ABCG1: variants seen among roughly 807,000 people sequenced by gnomAD.
The protein encoded by ABCG1 is ATP binding cassette subfamily G member 1.
ABCG1 carries 29 observed loss-of-function variants against 69.2 expected under a neutral mutation model. The ratio of observed to expected loss-of-function variants is 0.42; its 90% CI spans 0.31 to 0.57. ABCG1 has a LOEUF of 0.57. ABCG1 is among the 20% of genes least tolerant of loss of function. ABCG1 has a pLI of 0.15. For missense variants in ABCG1, 718 were observed against 898.1 expected (o/e 0.80, Z 2.56); for synonymous variants, 370 against 374.8 (o/e 0.99, Z 0.15).
chr21:42,292,107 G>T (rs918318943), intron 13 of ABCG1, among the ~76,000 whole-genome samples: 1 of 151,620 alleles, frequency 6.6e-6, no homozygotes, highest in East Asian at 1.9e-4. Context: ...TCCTCCCATC[G>T]CCCACCCTGC....
intron 2 of ABCG1, among the ~76,000 whole-genome samples, chr21:42,228,486 C>A (rs997274786): frequency 4.6e-5 from 7 of 152,172 alleles, no homozygotes; most frequent in African/African-American, 1.7e-4. Flanking sequence ...GCCTACAATT[C>A]AGAGTCTAGA....
At chr21:42,263,043 C>T (rs1293881853) in intron 2 of ABCG1, among the ~76,000 whole-genome samples, 2 of 152,238 alleles carry the variant, frequency 1.3e-5, no homozygotes, top group African/African-American at 4.8e-5. Context: ...TGTCCCCCGA[C>T]TCTTCCTAGG....
At chr21:42,206,487 A>T (rs1265613652) in intron 2 of ABCG1, among the ~76,000 whole-genome samples, 1 of 152,222 alleles carries the variant, frequency 6.6e-6, no homozygotes, top group Non-Finnish European at 1.5e-5. Flanking sequence ...TATCTGTTTT[A>T]TGGATACTTG....
intron 13 of ABCG1, among the ~76,000 whole-genome samples, chr21:42,293,035 CTACACACCA>C (rs2069105171): frequency 7.1e-6 from 1 of 140,656 alleles, no homozygotes; most frequent in African/African-American, 2.6e-5. Context: ...ACACTACACA[CTACACACCA>C]CACACACTAC....
chr21:42,246,293 G>A (rs909149825), intron 2 of ABCG1, among the ~76,000 whole-genome samples: 1 of 152,220 alleles, frequency 6.6e-6, no homozygotes, highest in Non-Finnish European at 1.5e-5. Flanking sequence ...ACTGGATATA[G>A]GATAGCTTTG....
intron 4 of ABCG1, among the ~76,000 whole-genome samples, chr21:42,275,039 T>C (rs2068685980): frequency 6.6e-6 from 1 of 152,140 alleles, no homozygotes; most frequent in Non-Finnish European, 1.5e-5. Flanking sequence ...CTCTGTGCTT[T>C]GGTCAGTAGA....
intron 13 of ABCG1, among the ~76,000 whole-genome samples, chr21:42,293,787 C>CACACACT (rs1569243436): frequency 1.3e-5 from 2 of 151,260 alleles, no homozygotes; most frequent in African/African-American, 4.9e-5. Context: ...TACACACAAA[C>CACACACT]ACACACTACA....
intron 1 of ABCG1, among the ~76,000 whole-genome samples, chr21:42,220,276 C>T (rs1440452953): frequency 1.3e-5 from 2 of 152,236 alleles, no homozygotes; most frequent in African/African-American, 4.8e-5. Flanking sequence ...ATATTACTTC[C>T]CCGAGGCTGT....
At chr21:42,294,496 AGG>A in intron 13 of ABCG1, 44 bp from the exon 14 acceptor site, 2 of 1,509,160 alleles carry the variant, frequency 1.3e-6, no homozygotes, top group Non-Finnish European at 1.8e-6. Flanking sequence ...GCAGGAGGCC[AGG>A]CTGCAGGTTC....
chr21:42,246,251 A>G (rs1020093041), intron 2 of ABCG1, among the ~76,000 whole-genome samples: 2 of 152,276 alleles, frequency 1.3e-5, no homozygotes, highest in African/African-American at 4.8e-5. Flanking sequence ...CTGTAGATAT[A>G]AAGCCATTTC....
chr21:42,283,330 C>T (rs988767075), intron 6 of ABCG1, among the ~76,000 whole-genome samples: 4 of 152,218 alleles, frequency 2.6e-5, no homozygotes, highest in Non-Finnish European at 5.9e-5. Flanking sequence ...TAGCATCTTG[C>T]AGGCTGAATG....
chr21:42,235,087 C>T (rs1053697090), intron 2 of ABCG1, among the ~76,000 whole-genome samples: 12 of 152,180 alleles, frequency 7.9e-5, no homozygotes, highest in African/African-American at 2.9e-4. Context: ...CCCGGCGCCC[C>T]GCGCGTGCTG....
In ABCG1 at chr21:42,279,272, A is replaced by G. The variant is rs976603411; in HGVS notation, c.588+2327A>G. Among the ~76,000 whole-genome samples, 4 of 152,184 alleles carry G rather than the reference A, an allele frequency of 2.6e-5. No individual in the cohort carries two copies. In the South Asian group the frequency reaches 8.3e-4, roughly 32 times the overall value. The stretch of plus-strand genomic sequence containing the variant: ...AGAGCTCTGGAGAGGGAGGCGCTGG[A>G]GAGAGGGAATTCTGTCTCTCTGACC... On this transcript the variant is annotated intron_variant, in intron 5 of 14. Coordinates refer to ENST00000398449, the MANE Select transcript of ABCG1 (RefSeq NM_016818.3).
chr21:42,238,213 G>C (rs1279192803), intron 2 of ABCG1, among the ~76,000 whole-genome samples: 1 of 152,222 alleles, frequency 6.6e-6, no homozygotes, highest in African/African-American at 2.4e-5. Flanking sequence ...CTGCGGTCAG[G>C]TTTTCTACCC....
Position 42,219,755 on chromosome 21 carries a change from G to T in ABCG1, c.42+451G>T. On this transcript the variant is annotated intron_variant, in intron 1 of 14. Coordinates refer to ENST00000398449, the MANE Select transcript of ABCG1 (RefSeq NM_016818.3). The surrounding 1 kb of genome is among the most constrained non-coding windows in gnomAD (Gnocchi z 5.3). The stretch of plus-strand genomic sequence containing the variant: ...GGCTTGGGGACCGGGGACTTCTCGC[G>T]CCATCCCCAGGAACGCCAGGCAAGG... 7.4e-7 allele frequency: 1 copy of T among 1,353,830 alleles called. No individual in the cohort carries two copies. The highest frequency in any genetic ancestry group is 1.5e-5 in the South Asian group (1 of 65,554). 83.9% of individuals were successfully genotyped at this position (1,353,830 alleles called of 1,614,324 possible).
intron 13 of ABCG1, among the ~76,000 whole-genome samples, chr21:42,292,120 C>T (rs2069074364): frequency 6.6e-6 from 1 of 152,160 alleles, no homozygotes; most frequent in Non-Finnish European, 1.5e-5. Flanking sequence ...CACCCTGCCC[C>T]CCGACCTGCC....
chr21:42,261,172 G>A (rs188300859), intron 2 of ABCG1, among the ~76,000 whole-genome samples: 12 of 152,128 alleles, frequency 7.9e-5, no homozygotes, highest in Admixed American at 2.0e-4. Flanking sequence ...TGAGGTGGGG[G>A]CGGGTGCTCT....
chr21:42,279,306 G>T (rs2068764969), intron 5 of ABCG1, among the ~76,000 whole-genome samples: 2 of 152,156 alleles, frequency 1.3e-5, no homozygotes. Context: ...CCCAAAATAA[G>T]GCCCAAGGAC....
intron 2 of ABCG1, among the ~76,000 whole-genome samples, chr21:42,257,163 C>T (rs540685994): frequency 1.2e-4 from 18 of 152,218 alleles, no homozygotes; most frequent in Non-Finnish European, 2.2e-4. Flanking sequence ...CAAGGTCACA[C>T]GGCTAATTAG....
Sources: gnomAD v4.1 joint callset for allele counts (sites outside exome capture counted in the v4.1 genomes callset) on GRCh38, gnomAD v4.1.1 for gene constraint, Gnocchi (gnomAD v3.1) non-coding constraint, MANE v1.5 for transcripts, NCBI Gene and HGNC (gene_info 2026-07-23, HGNC 2026-07-21) for gene names.